COBL: variants seen among roughly 807,000 people sequenced by gnomAD.
COBL encodes cordon-bleu WH2 repeat protein.
COBL carries 51 observed loss-of-function variants against 98.8 expected under a neutral mutation model. The observed-to-expected ratio is 0.52, with a 90% CI of 0.41 to 0.65. The LOEUF is 0.65. Among genes scored for constraint, COBL ranks in the 30% least tolerant of loss-of-function variants. COBL has a pLI of 0.00. For missense variants in COBL, 1,617 were observed against 1,617.5 expected (o/e 1.00, Z 0.01); for synonymous variants, 634 against 651.7 (o/e 0.97, Z 0.41).
chr7:51,104,234 T>C (rs1796058428), intron 6 of COBL, among the ~76,000 whole-genome samples: 1 of 152,282 alleles, frequency 6.6e-6, no homozygotes, highest in Non-Finnish European at 1.5e-5. Flanking sequence ...CTACTCTGAA[T>C]TAAATTTTTA....
intron 7 of COBL, chr7:51,082,995 G>A: frequency 6.8e-7 from 1 of 1,465,270 alleles, no homozygotes; most frequent in Non-Finnish European, 9.2e-7. Flanking sequence ...ACCCAGCCCT[G>A]ACATCGCAGT....
chr7:51,191,593 AC>A (rs1488169386), intron 3 of COBL, among the ~76,000 whole-genome samples: 1 of 151,398 alleles, frequency 6.6e-6, no homozygotes, highest in African/African-American at 2.4e-5. Flanking sequence ...CTATATACAC[AC>A]ATATATGAAA....
At chr7:51,153,960 C>T (rs186438400) in intron 5 of COBL, among the ~76,000 whole-genome samples, 7 of 152,334 alleles carry the variant, frequency 4.6e-5, no homozygotes, top group African/African-American at 1.7e-4. Flanking sequence ...AGAGACCTCA[C>T]AGATGTGTCC....
chr7:51,115,858 T>G (rs575596435), intron 6 of COBL, among the ~76,000 whole-genome samples: 1 of 152,232 alleles, frequency 6.6e-6, no homozygotes, highest in Admixed American at 6.5e-5. Flanking sequence ...CTATTTCTCC[T>G]AATTTTGTCA....
At chr7:51,083,964 T>C (rs2289175) in intron 7 of COBL, among the ~76,000 whole-genome samples, 99,885 of 151,942 alleles carry the variant, frequency 0.66, 33,113 homozygotes, top group African/African-American at 0.75. Context: ...TGTCCATTTA[T>C]GAAAAATGGG....
Position 51,065,530 on chromosome 7 carries a change from C to T in COBL, c.1096+19636G>A. 9.7e-6 allele frequency: 6 copies of T among 620,320 alleles called. 1 individual carries two copies. The South Asian group carries it at 1.1e-4, about 12-fold the overall frequency. 38.4% of individuals were successfully genotyped at this position (620,320 alleles called of 1,614,324 possible). On this transcript the variant is annotated intron_variant, in intron 7 of 12. Transcript: ENST00000265136. Reference sequence around the variant, plus strand: ...ATGGTGGTTCACATACAGTGTTGGGCTAGGGTGGGCTACAGCCAGCTTTGG... The same window carrying T: ...ATGGTGGTTCACATACAGTGTTGGGTTAGGGTGGGCTACAGCCAGCTTTGG...
intron 3 of COBL, among the ~76,000 whole-genome samples, chr7:51,192,501 G>A (rs801133): frequency 0.062 from 9,487 of 152,176 alleles, 518 homozygotes; most frequent in East Asian, 0.27. Flanking sequence ...AGCTACTCAG[G>A]AGGCTGAGGC....
chr7:51,276,420 C>T (rs1799317764), intron 1 of COBL, among the ~76,000 whole-genome samples: 2 of 152,310 alleles, frequency 1.3e-5, no homozygotes, highest in Non-Finnish European at 2.9e-5. Context: ...CTCCTCCGGC[C>T]GGGGACGGGC....
rs140371373 is a variant in COBL at position 51,190,887 on chromosome 7, G to A, written c.648C>T (p.Leu216=). 6.2e-6 allele frequency: 10 copies of A among 1,613,994 alleles called. No homozygotes were observed. Among genetic ancestry groups the A allele is most frequent in the East Asian group, 2.2e-5 (1 of 44,868 alleles). The change falls in exon 4 of 13, where the codon CTC becomes CTT. Residue 216 remains leucine (L), a synonymous_variant. Transcript: ENST00000265136. Reference sequence around the variant, plus strand: ...CCCACGCGTAGAGCTCCTTTATCCCGAGCTCGTTCAGGGACTTGGACAGCT... The same window carrying A: ...CCCACGCGTAGAGCTCCTTTATCCCAAGCTCGTTCAGGGACTTGGACAGCT... ...ELELSKSLNE[L]GIKELYAWDN...
In COBL at chr7:51,217,837, T is replaced by C. The variant is rs78880069; in HGVS notation, c.245+1904A>G. Among the ~76,000 whole-genome samples, 82 of 152,314 alleles carry C rather than the reference T, an allele frequency of 5.4e-4. 1 individual carries two copies. The highest frequency in any genetic ancestry group is 1.9e-3 in the African/African-American group (78 of 41,564). ...AGTGTACTTTGGCCTATGACTACTT[T>C]ATAAAACAAAGAAACTCACAGAAAC... On this transcript the variant is annotated intron_variant, in intron 2 of 12. Coordinates refer to ENST00000265136, the MANE Select transcript of COBL (RefSeq NM_015198.5).
intron 8 of COBL, among the ~76,000 whole-genome samples, chr7:51,039,527 T>A (rs926308362): frequency 1.5e-4 from 23 of 152,228 alleles, no homozygotes; most frequent in Admixed American, 3.3e-4. Flanking sequence ...ACTCCAGATG[T>A]GAATGCCAAG....
At chr7:51,170,165 CTACTG>C (rs1382381302) in intron 5 of COBL, among the ~76,000 whole-genome samples, 2 of 150,846 alleles carry the variant, frequency 1.3e-5, no homozygotes, top group Admixed American at 1.3e-4. Context: ...ATTTTTTTTC[CTACTG>C]TATACAATGA....
At chr7:51,182,471 G>A (rs144820789) in intron 5 of COBL, among the ~76,000 whole-genome samples, 10,338 of 151,936 alleles carry the variant, frequency 0.068, 392 homozygotes, top group Middle Eastern at 0.14. Context: ...TAGCAGAGAC[G>A]GGGTTTCACT....
At chr7:51,218,370 T>G (rs150152202) in intron 2 of COBL, among the ~76,000 whole-genome samples, 110 of 152,372 alleles carry the variant, frequency 7.2e-4, no homozygotes, top group African/African-American at 2.5e-3. Context: ...ACATCACTTT[T>G]TAAAAGGCAT....
chr7:51,030,794 G>T lies in COBL; in HGVS notation c.1504+18C>A, dbSNP rs371828747. ...TCATGCAGCATAATATCAGAGTAGC[G>T]GATCAGGTGGTTCTTACCTTCCAGG... On this transcript the variant is annotated intron_variant, in intron 9 of 12. Coordinates refer to ENST00000265136, the MANE Select transcript of COBL (RefSeq NM_015198.5). 2 of 1,509,844 alleles carry T rather than the reference G, an allele frequency of 1.3e-6. No individual in the cohort carries two copies. The highest frequency in any genetic ancestry group is 1.8e-6 in the Non-Finnish European group (2 of 1,087,272). 93.5% of individuals were successfully genotyped at this position (1,509,844 alleles called of 1,614,324 possible). A position where few individuals can be genotyped will look rare whatever the true frequency, so the allele number is the denominator to read the frequency against.
intron 5 of COBL, among the ~76,000 whole-genome samples, chr7:51,142,326 C>T (rs1406882476): frequency 6.6e-6 from 1 of 151,688 alleles, no homozygotes; most frequent in Admixed American, 6.6e-5. Context: ...GATGGTTTCT[C>T]GCCTGGCAAG....
intron 1 of COBL, among the ~76,000 whole-genome samples, chr7:51,294,295 CATAAATAAATAAATAAATAA>C (rs201170093): frequency 7.2e-6 from 1 of 138,910 alleles, no homozygotes; most frequent in Non-Finnish European, 1.5e-5. Context: ...CATCTCAAAA[CATAAATAAATAAATAAATAA>C]ATAAATAAAT....
At chr7:51,214,464 G>C (rs1792826595) in intron 2 of COBL, among the ~76,000 whole-genome samples, 1 of 152,046 alleles carries the variant, frequency 6.6e-6, no homozygotes, top group Non-Finnish European at 1.5e-5. Flanking sequence ...AGTGCATTCT[G>C]GTTGGCTTCA....
chr7:51,019,902 G>A (rs939637426), intron 12 of COBL, among the ~76,000 whole-genome samples: 3 of 152,194 alleles, frequency 2.0e-5, no homozygotes, highest in Non-Finnish European at 4.4e-5. Context: ...AGGACCTAGG[G>A]CTTAGATGAA....
Sources: gnomAD v4.1 joint callset for allele counts (sites outside exome capture counted in the v4.1 genomes callset) on GRCh38, gnomAD v4.1.1 for gene constraint, MANE v1.5 for transcripts, NCBI Gene and HGNC (gene_info 2026-07-23, HGNC 2026-07-21) for gene names.